PMEL: variants seen among roughly 807,000 people sequenced by gnomAD.
The protein encoded by PMEL is premelanosome protein.
A neutral mutation model predicts 64.9 loss-of-function variants in PMEL; 53 were observed. That is an observed-to-expected ratio of 0.82 (90% confidence interval 0.66 to 1.03). PMEL has a LOEUF of 1.03. Ranked by LOEUF, PMEL falls within the 50% of genes least tolerant of loss-of-function variation. PMEL has a pLI of 0.00. For missense variants in PMEL, 716 were observed against 814.9 expected, an observed-to-expected ratio of 0.88 and a Z score of 1.48; for synonymous variants, 299 against 316.2, an observed-to-expected ratio of 0.95 and a Z score of 0.58.
chr12:55,957,698 A>T (rs992195409), intron 5 of PMEL, 27 bp from the exon 6 acceptor site: 1 of 1,589,036 alleles, frequency 6.3e-7, no homozygotes, highest in East Asian at 2.2e-5. Flanking sequence ...AAAAGGTGAG[A>T]ACCAGGCCTG....
Position 55,961,612 on chromosome 12 carries a change from A to G in PMEL, c.187+10T>C. ...CACCATGCCCTCCCCTGGAACTTCC[A>G]AGTTCCTACCTCTCCAGCAGTCAAG... On this transcript the variant is annotated intron_variant, in intron 2 of 10. Coordinates refer to ENST00000548747, the MANE Select transcript of PMEL (RefSeq NM_001384361.1). 2.5e-6 allele frequency: 4 copies of G among 1,610,354 alleles called. No homozygotes were observed. Among genetic ancestry groups the G allele is most frequent in the Non-Finnish European group, 2.5e-6 (3 of 1,176,964 alleles).
chr12:55,964,958 C>G (rs1194493582), intron 1 of PMEL, among the ~76,000 whole-genome samples: 1 of 141,006 alleles, frequency 7.1e-6, no homozygotes, highest in Non-Finnish European at 1.5e-5. Flanking sequence ...GACGGAGACT[C>G]GCTCTGTCAC....
chr12:55,961,550 G>C, intron 2 of PMEL, 72 bp downstream of exon 2: 1 of 1,586,976 alleles, frequency 6.3e-7, no homozygotes, highest in Non-Finnish European at 8.6e-7. Context: ...AGCTACACTC[G>C]ATGCAGTTCA....
intron 2 of PMEL, 79 bp from the exon 3 acceptor site, chr12:55,961,542 C>G (rs1889101983): frequency 1.3e-6 from 2 of 1,597,078 alleles, no homozygotes; most frequent in East Asian, 4.5e-5. Context: ...TCTTCCCAAG[C>G]TACACTCGAT....
At position 55,958,027 on chromosome 12, in the gene PMEL, C is replaced by T. The variant is rs1204816702; in HGVS notation, c.527G>A (p.Arg176Lys). Residue 176 changes from arginine to lysine, a missense_variant, in exon 5 of 11, where the codon AGG (arginine) becomes AAG (lysine). Physicochemically the swap from Arg to Lys is conservative, Grantham distance 26. Transcript: ENST00000548747. ...PVSGLSIGTG[R>K]AMLGTHTMEV... ...CATGGTGTGTGTGCCCAGCATTGCCCTGCCTGTCCCAATGCTCAGCCCAGA... is the reference window on the plus strand; with the variant it reads ...CATGGTGTGTGTGCCCAGCATTGCCTTGCCTGTCCCAATGCTCAGCCCAGA... The T allele has an allele frequency of 1.9e-6, 3 of 1,614,090 alleles. No homozygotes were observed. The highest frequency in any genetic ancestry group is 1.7e-6 in the Non-Finnish European group (2 of 1,180,036).
At chr12:55,966,095 C>G, upstream of PMEL, 2 of 1,604,246 alleles carry the variant, frequency 1.2e-6, no homozygotes, top group South Asian at 2.2e-5. Context: ...TTTGCATAGC[C>G]CTTCCTCTTC....
At chr12:55,954,633 C>T (rs1331361070) in intron 10 of PMEL, among the ~76,000 whole-genome samples, 4 of 152,190 alleles carry the variant, frequency 2.6e-5, no homozygotes, top group Non-Finnish European at 4.4e-5. Flanking sequence ...AGGCCAGGCA[C>T]GGTGGCTCAT....
At chr12:55,960,048 C>A (rs955090082) in intron 3 of PMEL, among the ~76,000 whole-genome samples, 2 of 151,346 alleles carry the variant, frequency 1.3e-5, no homozygotes, top group Non-Finnish European at 2.9e-5. Context: ...AAGAATTAGC[C>A]GGGCATGGTG....
At chr12:55,961,936 A>C (rs985449392) in intron 1 of PMEL, among the ~76,000 whole-genome samples, 1 of 149,938 alleles carries the variant, frequency 6.7e-6, no homozygotes, top group African/African-American at 2.5e-5. Context: ...TCCTGGGTTC[A>C]AGCGATTCTC....
In PMEL at chr12:55,956,938, G is replaced by T. The variant is rs756059768; in HGVS notation, c.1354+11C>A. The stretch of plus-strand genomic sequence containing the variant: ...CACCTCCGTGAACCTCATTCGCACT[G>T]ATACTCTTACCTGTAATACTTTCCG... On this transcript the variant is annotated intron_variant, in intron 6 of 10. Coordinates refer to ENST00000548747, the MANE Select transcript of PMEL (RefSeq NM_001384361.1). The T allele has an allele frequency of 6.2e-7, 1 of 1,612,792 alleles. No homozygotes were observed. The highest frequency in any genetic ancestry group is 1.7e-5 in the Admixed American group (1 of 59,988).
chr12:55,966,586 A>G, upstream of PMEL: 1 of 686,864 alleles, frequency 1.5e-6, no homozygotes, highest in South Asian at 4.9e-5. Flanking sequence ...AGACATAGGT[A>G]GGAAACTTGG....
In PMEL at chr12:55,954,302, CTA is replaced by C. The variant is rs1414884322; in HGVS notation, c.1896_1897del (p.His632GlnfsTer19). The C allele has an allele frequency of 5.0e-6, 8 of 1,614,050 alleles. No homozygotes were observed. Among genetic ancestry groups the C allele is most frequent in the Non-Finnish European group, 5.9e-6 (7 of 1,179,910 alleles). On this transcript the variant is annotated frameshift_variant, in exon 11 of 11. Transcript: ENST00000548747. LOFTEE classifies it high-confidence loss of function. ...GGGTAGACGCAGCCAGTGACTGCTG[CTA>C]TGTGGCAACTGGGGTACGGAGAAGT...
intron 7 of PMEL, 77 bp downstream of exon 7, chr12:55,956,007 TCTAGGTGAGTAATTCCTCC>T: frequency 9.1e-7 from 1 of 1,097,294 alleles, no homozygotes; most frequent in South Asian, 1.3e-5. Flanking sequence ...ATTCTTCCTA[TCTAGGTGAGTAATTCCTCC>T]CAAGGTGTGC....
rs1407743697 is a variant in PMEL, at chr12:55,961,366, C to G, written c.285G>C (p.Lys95Asn). 6.2e-7 allele frequency: 1 copy of G among 1,614,036 alleles called. No homozygotes were observed. Among genetic ancestry groups the G allele is most frequent in the African/African-American group, 1.3e-5 (1 of 74,926 alleles). ...AGATAACCTGCCCATCTGGCAATACCTTTTGGCTTCCAGGGAAGTTCAAGG... is the reference window on the plus strand; with the variant it reads ...AGATAACCTGCCCATCTGGCAATACGTTTTGGCTTCCAGGGAAGTTCAAGG... ...SIALNFPGSQ[K>N]VLPDGQVIWV... Residue 95 changes from lysine (K) to asparagine (N), a missense_variant, in exon 3 of 11, where the codon AAG becomes AAC. By Grantham distance (94) the Lys-to-Asn change is moderately conservative (BLOSUM62 0). Coordinates refer to ENST00000548747, the MANE Select transcript of PMEL (RefSeq NM_001384361.1).
intron 1 of PMEL, among the ~76,000 whole-genome samples, chr12:55,962,699 T>A (rs1002902931): frequency 6.6e-6 from 1 of 151,092 alleles, no homozygotes; most frequent in African/African-American, 2.4e-5. Flanking sequence ...AATTTTTGTA[T>A]TTTTAGTTTC....
intron 10 of PMEL, among the ~76,000 whole-genome samples, chr12:55,954,736 T>C (rs1002101484): frequency 6.6e-6 from 1 of 152,162 alleles, no homozygotes; most frequent in African/African-American, 2.4e-5. Context: ...AAACCCTGTC[T>C]TTACTAAAAA....
intron 5 of PMEL, 85 bp from the exon 6 acceptor site, chr12:55,957,756 C>T: frequency 6.5e-7 from 1 of 1,533,018 alleles, no homozygotes; most frequent in African/African-American, 1.4e-5. Context: ...TCCAAGCTGA[C>T]TGGCTGGCCC....
At chr12:55,961,252 G>A (rs1188699297) in intron 3 of PMEL, 65 bp downstream of exon 3, 19 of 1,433,962 alleles carry the variant, frequency 1.3e-5, no homozygotes, top group Non-Finnish European at 1.9e-5. Context: ...CATTCCCTGA[G>A]CTCACTGGGC....
At chr12:55,960,393 T>C (rs1889054483) in intron 3 of PMEL, among the ~76,000 whole-genome samples, 1 of 151,848 alleles carries the variant, frequency 6.6e-6, no homozygotes, top group Non-Finnish European at 1.5e-5. Flanking sequence ...TTTTTCTTTT[T>C]GAGACAGGGT....
Sources: gnomAD v4.1 joint callset for allele counts (sites outside exome capture counted in the v4.1 genomes callset) on GRCh38, gnomAD v4.1.1 for gene constraint, MANE v1.5 for transcripts, NCBI Gene and HGNC (gene_info 2026-07-23, HGNC 2026-07-21) for gene names.